The following PWWP2A variants were observed in gnomAD, a reference collection of about 807,000 sequenced individuals.
The protein encoded by PWWP2A is PWWP domain-containing protein 2A.
Under a neutral mutation model 48.5 loss-of-function variants are expected in PWWP2A, and 18 were observed. That is an observed-to-expected ratio of 0.37 (90% CI 0.26 to 0.55). The LOEUF (loss-of-function observed/expected upper bound fraction) is 0.55. Ranked by LOEUF, PWWP2A falls within the 20% of genes least tolerant of loss-of-function variation. PWWP2A has a pLI of 0.81. For missense variants in PWWP2A, 867 were observed against 976.4 expected (o/e 0.89, Z 1.49); for synonymous variants, 396 against 387.7 (o/e 1.02, Z -0.25).
At chr5:160,049,559 C>G in the PWWP2A span, 1 of 1,608,672 alleles carries the variant, frequency 6.2e-7, no homozygotes, top group Non-Finnish European at 8.5e-7. Context: ...TTGAGGAGAG[C>G]AGAGTTGTAT....
chr5:160,076,411 C>T (rs1176445101), exon 4 of PWWP2A: 1 of 152,026 alleles, frequency 6.6e-6, no homozygotes, highest in African/African-American at 2.4e-5. Flanking sequence ...CAAGACTGAC[C>T]CAAACCAAAG....
the PWWP2A span, among the ~76,000 whole-genome samples, chr5:160,050,314 G>C: frequency 2.6e-5 from 4 of 151,952 alleles, no homozygotes; most frequent in Non-Finnish European, 5.9e-5. Flanking sequence ...GGGTGTGGTG[G>C]CACATGCCTG....
intron 1 of PWWP2A, among the ~76,000 whole-genome samples, chr5:160,100,740 G>C (rs910665460): frequency 4.6e-5 from 7 of 152,234 alleles, no homozygotes; most frequent in African/African-American, 1.7e-4. Context: ...GCTTATTGTG[G>C]TTCATATTTC....
Position 160,093,995 on chromosome 5 carries a change from G to A in PWWP2A, c.655C>T (p.Pro219Ser). 1 of 1,613,870 alleles carries A rather than the reference G, an allele frequency of 6.2e-7. No individual in the cohort carries two copies. The highest frequency in any genetic ancestry group is 8.5e-7 in the Non-Finnish European group (1 of 1,179,816). ...TCTTGGAATGTATTACTTTGGAGCG[G>A]CATGGCTTCTGGTTTATCCTTATAT... The part of the protein sequence containing the change: ...REYKDKPEAM[P>S]LQSNTFQEGT... Residue 219 changes from proline (P) to serine (S), a missense_variant, in exon 2 of 2, where the codon CCG (proline) becomes TCG (serine). Transcript: ENST00000307063. This position sits in a 1 kb window ranked among gnomAD's most constrained non-coding sequence, Gnocchi z 5.8.
Position 160,092,165 on chromosome 5 carries a change from T to C in PWWP2A, c.*217A>G. On this transcript the variant is annotated 3_prime_UTR_variant, in exon 2 of 2. Transcript: ENST00000307063. ...GGTTTCGAACTTCAAAACTGAAAAA[T>C]ACTGCTAAAATCTCACTTCCTTAAC... The C allele has an allele frequency of 7.6e-7, 1 of 1,309,498 alleles. No homozygotes were observed. The highest frequency in any genetic ancestry group is 9.7e-7 in the Non-Finnish European group (1 of 1,031,896). 81.1% of individuals were successfully genotyped at this position (1,309,498 alleles called of 1,614,324 possible).
At chr5:160,080,732 T>G in exon 3 of PWWP2A, 1 of 1,571,818 alleles carries the variant, frequency 6.4e-7, no homozygotes, top group Non-Finnish European at 8.6e-7. Context: ...GCAGCAGGAC[T>G]CGTCACTGTC....
chr5:160,080,348 G>T (rs1271465798), intron 3 of PWWP2A, among the ~76,000 whole-genome samples: 3 of 152,140 alleles, frequency 2.0e-5, no homozygotes, highest in Non-Finnish European at 2.9e-5. Context: ...AGACTCAGTT[G>T]CTATTTGACA....
chr5:160,097,870 C>T (rs1396489885), intron 1 of PWWP2A, among the ~76,000 whole-genome samples: 1 of 151,710 alleles, frequency 6.6e-6, no homozygotes, highest in Non-Finnish European at 1.5e-5. Context: ...CGCGAGCCAT[C>T]ACGCCTGGCT....
At position 160,119,392 on chromosome 5, in the gene PWWP2A, C is replaced by G. The variant is rs1237054947; in HGVS notation, c.-4G>C. 4 of 1,355,156 alleles carry G rather than the reference C, an allele frequency of 3.0e-6. No individual in the cohort carries two copies. Among genetic ancestry groups the G allele is most frequent in the Middle Eastern group, 3.9e-4 (2 of 5,108 alleles). The allele number at this position is 1,355,156 out of a possible 1,614,324, so 83.9% of individuals were successfully genotyped here. A position where few individuals can be genotyped will look rare whatever the true frequency, so the allele number is the denominator to read the frequency against. ...CCTCTGCAGCCACGGCCGCCATTTTCTTCCTAGCTTCTCCCTCCTCCAACT... is the reference window on the plus strand; with the variant it reads ...CCTCTGCAGCCACGGCCGCCATTTTGTTCCTAGCTTCTCCCTCCTCCAACT... On this transcript the variant is annotated 5_prime_UTR_variant, in exon 1 of 2. Transcript: ENST00000307063.
At chr5:160,084,491 G>C (rs1329910016) in intron 2 of PWWP2A, among the ~76,000 whole-genome samples, 2 of 152,150 alleles carry the variant, frequency 1.3e-5, no homozygotes, top group African/African-American at 4.8e-5. Context: ...TGCAGTGGCA[G>C]GATGATGGCT....
chr5:160,110,756 G>A (rs927771550), intron 1 of PWWP2A, among the ~76,000 whole-genome samples: 1 of 151,146 alleles, frequency 6.6e-6, no homozygotes, highest in African/African-American at 2.4e-5. Flanking sequence ...AAAAGGCTGG[G>A]TGCAGTGGCT....
intron 1 of PWWP2A, among the ~76,000 whole-genome samples, chr5:160,098,293 G>C (rs1016162509): frequency 2.0e-5 from 3 of 152,126 alleles, no homozygotes; most frequent in Non-Finnish European, 4.4e-5. Context: ...TACAATAAGG[G>C]GGAAAAAGGG....
intron 1 of PWWP2A, among the ~76,000 whole-genome samples, chr5:160,095,907 C>T (rs1367970111): frequency 4.0e-5 from 6 of 151,896 alleles, no homozygotes; most frequent in African/African-American, 1.5e-4. Flanking sequence ...GTTGTCCAGG[C>T]GAATGCCTGA....
intron 3 of PWWP2A, chr5:160,066,717 T>TG (rs1469959569): frequency 6.6e-6 from 1 of 152,040 alleles, no homozygotes; most frequent in Non-Finnish European, 1.5e-5. Flanking sequence ...CTTTGAAAAA[T>TG]AACATGTTTC....
intron 2 of PWWP2A, among the ~76,000 whole-genome samples, chr5:160,068,792 T>C (rs562492586): frequency 6.6e-6 from 1 of 152,190 alleles, no homozygotes; most frequent in African/African-American, 2.4e-5. Flanking sequence ...TTAAAGGATA[T>C]CCACAAGACG....
At chr5:160,072,044 C>A (rs1561647219), downstream of PWWP2A, among the ~76,000 whole-genome samples, 1 of 152,176 alleles carries the variant, frequency 6.6e-6, no homozygotes, top group African/African-American at 2.4e-5. Context: ...TTGATAGTAA[C>A]AAGCTTAATC....
At chr5:160,059,529 T>A (rs1209021363), downstream of PWWP2A, among the ~76,000 whole-genome samples, 1 of 152,264 alleles carries the variant, frequency 6.6e-6, no homozygotes, top group Non-Finnish European at 1.5e-5. Context: ...GTAGCACTTT[T>A]AATTTTGTTA....
chr5:160,052,548 C>CAA, the PWWP2A span, among the ~76,000 whole-genome samples: 699 of 68,100 alleles, frequency 0.01, 122 homozygotes, highest in Non-Finnish European at 0.014. Context: ...TCTATTTTAG[C>CAA]AAAAAAAAAA....
At chr5:160,089,936 A>G (rs905034090), downstream of PWWP2A, 1 of 985,124 alleles carries the variant, frequency 1.0e-6, no homozygotes, top group Non-Finnish European at 1.2e-6. Context: ...TTTATCTAAG[A>G]CATTTCCATT....
Sources: allele counts gnomAD v4.1 joint callset (sites outside exome capture counted in the v4.1 genomes callset), GRCh38; gene constraint gnomAD v4.1.1; non-coding constraint Gnocchi (gnomAD v3.1); transcripts MANE v1.5; gene names NCBI Gene and HGNC (gene_info 2026-07-23, HGNC 2026-07-21).